Variants in CYP46A1 observed in about 807,000 individuals in gnomAD.
CYP46A1 encodes cholesterol 24-hydroxylase.
Under a neutral mutation model 63.3 loss-of-function variants are expected in CYP46A1, and 20 were observed. The ratio of observed to expected loss-of-function variants is 0.32; its 90% CI spans 0.22 to 0.46. The LOEUF is 0.46. Among genes scored for constraint, CYP46A1 ranks in the 20% least tolerant of loss-of-function variants. CYP46A1 has a pLI of 1.00. For synonymous variants in CYP46A1, 268 were observed against 273.6 expected, an observed-to-expected ratio of 0.98 and a Z score of 0.20; for missense variants, 445 against 670.8, an observed-to-expected ratio of 0.66 and a Z score of 3.72.
Position 99,715,966 on chromosome 14 carries a change from A to C in CYP46A1, c.844+6A>C. The C allele has an allele frequency of 9.1e-7, 1 of 1,104,926 alleles. No homozygotes were observed. Among genetic ancestry groups the C allele is most frequent in the Non-Finnish European group, 1.3e-6 (1 of 791,176 alleles). 68.4% of individuals were successfully genotyped at this position (1,104,926 alleles called of 1,614,324 possible). On this transcript the variant is annotated splice_donor_region_variant and intron_variant, in intron 8 of 14. Transcript: ENST00000261835. Reference sequence around the variant, plus strand: ...CCTCACACAGATTCTGAAAGGTGCAAGGGCCCCCTCTGCGGACTGGGGAGG... The same window carrying C: ...CCTCACACAGATTCTGAAAGGTGCACGGGCCCCCTCTGCGGACTGGGGAGG...
At chr14:99,711,987 A>G (rs1051831126) in intron 7 of CYP46A1, 3 of 152,244 alleles carry the variant, frequency 2.0e-5, no homozygotes, top group Non-Finnish European at 2.9e-5. Context: ...CAACATACAC[A>G]AGTCAATAAA....
intron 7 of CYP46A1, chr14:99,709,962 A>G (rs2056714668): frequency 6.6e-6 from 1 of 152,208 alleles, no homozygotes; most frequent in Non-Finnish European, 1.5e-5. Context: ...GTCAGTCAAG[A>G]TTATAGTACC....
At chr14:99,684,694 A>G (rs1232265610) in intron 1 of CYP46A1, 158 bp downstream of exon 1, 1 of 687,380 alleles carries the variant, frequency 1.5e-6, no homozygotes, top group Admixed American at 2.1e-5. Flanking sequence ...ATTCTTAGTA[A>G]CAAATTACTC....
At position 99,699,380 on chromosome 14, in the gene CYP46A1, G is replaced by A. The variant is rs1236263574; in HGVS notation, c.283-86G>A. 3.9e-6 allele frequency: 5 copies of A among 1,290,712 alleles called. No homozygotes were observed. The African/African-American group carries it at 7.3e-5, about 19-fold the overall frequency. 80.0% of individuals were successfully genotyped at this position (1,290,712 alleles called of 1,614,324 possible). A position where few individuals can be genotyped will look rare whatever the true frequency, so the allele number is the denominator to read the frequency against. On this transcript the variant is annotated intron_variant, in intron 3 of 14. Coordinates refer to ENST00000261835, the MANE Select transcript of CYP46A1 (RefSeq NM_006668.2). ...CACTGCGGCTGAGACTCAGCCAATG[G>A]TGATTATTTGGGGCATGTCTCAGAA...
chr14:99,685,828 T>C (rs1412233674), intron 1 of CYP46A1, among the ~76,000 whole-genome samples: 14 of 151,872 alleles, frequency 9.2e-5, no homozygotes, highest in Non-Finnish European at 1.5e-5. Context: ...TCTCTCTCTC[T>C]CTCCTTGCTT....
chr14:99,690,525 T>C lies in CYP46A1; in HGVS notation c.120-556T>C, dbSNP rs116941571. ...ACAGGAAGTCATGGGCCCCTTGGAA[T>C]GAGCTTCAGGATGACACTGCACTGG... is the stretch of plus-strand genomic sequence containing the variant. On this transcript the variant is annotated intron_variant, in intron 1 of 14. Transcript: ENST00000261835. Among the ~76,000 whole-genome samples, 443 of 152,316 alleles carry C rather than the reference T, an allele frequency of 2.9e-3. 2 individuals are homozygous for C. The highest frequency in any genetic ancestry group is 0.01 in the Middle Eastern group (3 of 294).
In CYP46A1 at chr14:99,684,359, C is replaced by A; in HGVS notation, c.-59C>A. On this transcript the variant is annotated 5_prime_UTR_variant, in exon 1 of 15. Coordinates refer to ENST00000261835, the MANE Select transcript of CYP46A1 (RefSeq NM_006668.2). ...CGCTGACAGCTGAGTCGGCTCGCGG[C>A]CTCCCGGCCCCCTCGGCGCCCGGCC... 1 of 1,091,086 alleles carries A rather than the reference C, an allele frequency of 9.2e-7. No individual in the cohort carries two copies. The highest frequency in any genetic ancestry group is 1.2e-6 in the Non-Finnish European group (1 of 860,420). The allele number at this position is 1,091,086 out of a possible 1,614,324, so 67.6% of individuals were successfully genotyped here.
intron 1 of CYP46A1, among the ~76,000 whole-genome samples, chr14:99,688,699 C>A (rs939729538): frequency 7.9e-5 from 12 of 152,190 alleles, no homozygotes; most frequent in African/African-American, 2.9e-4. Context: ...TAGCTGCCGC[C>A]CCCTATGGTA....
At chr14:99,702,204 A>C (rs2140121492) in intron 5 of CYP46A1, among the ~76,000 whole-genome samples, 1 of 152,266 alleles carries the variant, frequency 6.6e-6, no homozygotes, top group South Asian at 2.1e-4. Flanking sequence ...GAATCATGCA[A>C]TATGTAGTCC....
In CYP46A1 at chr14:99,691,991, C is replaced by A; in HGVS notation, c.282+130C>A. On this transcript the variant is annotated intron_variant, in intron 3 of 14. Transcript: ENST00000261835. ...GCATTTCGGCTGGTTTCCCAAAGAT[C>A]CAGAAAGGAATGGCATCTTTCCCTC... The A allele has an allele frequency of 5.6e-6, 5 of 900,874 alleles. No individual in the cohort carries two copies. In the South Asian group the frequency reaches 7.9e-5, roughly 14 times the overall value. The allele number at this position is 900,874 out of a possible 1,614,324, so 55.8% of individuals were successfully genotyped here.
chr14:99,726,847 T>G lies in CYP46A1; in HGVS notation c.*120T>G. On this transcript the variant is annotated 3_prime_UTR_variant, in exon 15 of 15. Coordinates refer to ENST00000261835, the MANE Select transcript of CYP46A1 (RefSeq NM_006668.2). ...CCCTGGGCCACCCTTCACGCTGGCT[T>G]CCAGCGGGCCCTCTGCCGACCGCCT... 1 of 838,446 alleles carries G rather than the reference T, an allele frequency of 1.2e-6. No homozygotes were observed. Among genetic ancestry groups the G allele is most frequent in the Non-Finnish European group, 1.7e-6 (1 of 581,606 alleles). 51.9% of individuals were successfully genotyped at this position (838,446 alleles called of 1,614,324 possible).
At chr14:99,684,622 G>T in intron 1 of CYP46A1, 86 bp downstream of exon 1, 1 of 1,206,494 alleles carries the variant, frequency 8.3e-7, no homozygotes, top group East Asian at 2.8e-5. Context: ...CAGGCCGGGG[G>T]TCCGGCCTCG....
Position 99,722,954 on chromosome 14 carries a change from A to G in CYP46A1, c.1176+888A>G. On this transcript the variant is annotated intron_variant, in intron 12 of 14. Coordinates refer to ENST00000261835, the MANE Select transcript of CYP46A1 (RefSeq NM_006668.2). The surrounding 1 kb of genome is among the most constrained non-coding windows in gnomAD (Gnocchi z 4.6). ...AGAGGGCTGGGTTGTAGGACCCCTG[A>G]CTGTTCAGCTTTACAAACGAACGCC... The G allele has an allele frequency of 2.2e-6, 1 of 447,114 alleles. No individual in the cohort carries two copies. Among genetic ancestry groups the G allele is most frequent in the South Asian group, 1.6e-5 (1 of 63,802 alleles). The allele number at this position is 447,114 out of a possible 1,614,324, so 27.7% of individuals were successfully genotyped here.
chr14:99,726,661 G>A lies in CYP46A1; in HGVS notation c.1437G>A (p.Leu479=), dbSNP rs1200116010. 2.6e-6 allele frequency: 4 copies of A among 1,560,184 alleles called. No individual in the cohort carries two copies. The highest frequency in any genetic ancestry group is 2.7e-5 in the African/African-American group (2 of 73,672). Residue 479 remains leucine (L), a synonymous_variant, in exon 15 of 15, where the codon CTG becomes CTA. Transcript: ENST00000261835. The stretch of plus-strand genomic sequence containing the variant: ...AGGAGCAGGCCACACTCAAGCCACT[G>A]GACCCCGTGCTGTGCACCCTGCGGC... ...GLQEQATLKP[L]DPVLCTLRPR...
intron 3 of CYP46A1, among the ~76,000 whole-genome samples, chr14:99,698,298 C>G (rs2056602704): frequency 6.6e-6 from 1 of 152,012 alleles, no homozygotes; most frequent in South Asian, 2.1e-4. Context: ...GACCTGTGGT[C>G]CCTTGGTCTG....
chr14:99,684,516 C>A lies in CYP46A1; in HGVS notation c.99C>A (p.Ile33=). The A allele has an allele frequency of 2.0e-6, 3 of 1,474,804 alleles. No homozygotes were observed. The highest frequency in any genetic ancestry group is 1.3e-5 in the South Asian group (1 of 78,160). 91.4% of individuals were successfully genotyped at this position (1,474,804 alleles called of 1,614,324 possible). A position where few individuals can be genotyped will look rare whatever the true frequency, so the allele number is the denominator to read the frequency against. ...GCGCTCGCAGCCGCTACGAGCACATCCCCGGGCCGCCGCGGCCCAGGTGAG... is the reference window on the plus strand; with the variant it reads ...GCGCTCGCAGCCGCTACGAGCACATACCCGGGCCGCCGCGGCCCAGGTGAG... The part of the protein sequence containing the change: ...VHRARSRYEH[I]PGPPRPSFLL... Residue 33 remains isoleucine, a synonymous_variant, in exon 1 of 15, where the codon ATC becomes ATA. Transcript: ENST00000261835.
intron 1 of CYP46A1, among the ~76,000 whole-genome samples, chr14:99,686,163 G>A (rs533587411): frequency 6.9e-4 from 105 of 152,194 alleles, no homozygotes; most frequent in African/African-American, 2.2e-3. Flanking sequence ...GAAATCTCCC[G>A]TGAGTTCCGT....
intron 6 of CYP46A1, among the ~76,000 whole-genome samples, chr14:99,707,230 T>A (rs3783321): frequency 1.3e-5 from 2 of 152,062 alleles, no homozygotes; most frequent in Admixed American, 6.5e-5. Context: ...ACTGGATTCC[T>A]CTTTATCACA....
At chr14:99,718,154 A>G (rs2056809667) in intron 10 of CYP46A1, 28 bp downstream of exon 10, 2 of 1,605,452 alleles carry the variant, frequency 1.2e-6, no homozygotes, top group Non-Finnish European at 1.7e-6. Flanking sequence ...GGGGCTGGCA[A>G]AGAGGTCTGT....
Sources: gnomAD v4.1 joint callset for allele counts (sites outside exome capture counted in the v4.1 genomes callset) on GRCh38, gnomAD v4.1.1 for gene constraint, Gnocchi (gnomAD v3.1) non-coding constraint, MANE v1.5 for transcripts, NCBI Gene and HGNC (gene_info 2026-07-23, HGNC 2026-07-21) for gene names.